The following VKORC1L1 variants were observed in gnomAD, a reference collection of about 807,000 sequenced individuals.
VKORC1L1 encodes vitamin K epoxide reductase complex subunit 1-like protein 1.
Under a neutral mutation model 18.9 loss-of-function variants are expected in VKORC1L1, and 2 were observed. The observed-to-expected ratio is 0.11, with a 90% CI of 0.04 to 0.33. The LOEUF (loss-of-function observed/expected upper bound fraction) is 0.33, where lower values mean the gene tolerates loss of function less well. Among genes scored for constraint, VKORC1L1 ranks in the 10% least tolerant of loss-of-function variants. VKORC1L1 has a pLI of 1.00. For missense variants in VKORC1L1, 123 were observed against 224.1 expected, an observed-to-expected ratio of 0.55 and a Z score of 2.88; for synonymous variants, 96 against 100.0, an observed-to-expected ratio of 0.96 and a Z score of 0.24.
chr7:65,889,865 G>A (rs1789081734), intron 1 of VKORC1L1, among the ~76,000 whole-genome samples: 1 of 152,158 alleles, frequency 6.6e-6, no homozygotes, highest in African/African-American at 2.4e-5. Flanking sequence ...AGATTCACCT[G>A]TGTTTTATGG....
intron 1 of VKORC1L1, among the ~76,000 whole-genome samples, chr7:65,880,272 A>G (rs544322082): frequency 6.6e-6 from 1 of 152,334 alleles, no homozygotes; most frequent in Admixed American, 6.5e-5. Flanking sequence ...TGACAAAAAT[A>G]TATAGAGTTT....
At chr7:65,875,571 C>G (rs1387472621) in intron 1 of VKORC1L1, among the ~76,000 whole-genome samples, 2 of 152,138 alleles carry the variant, frequency 1.3e-5, no homozygotes, top group Admixed American at 6.5e-5. Context: ...GCGCCCGCCA[C>G]AACGCCCTGC....
intron 2 of VKORC1L1, among the ~76,000 whole-genome samples, chr7:65,953,550 TTAG>T (rs1362027315): frequency 6.6e-6 from 1 of 152,232 alleles, no homozygotes; most frequent in Non-Finnish European, 1.5e-5. Context: ...GTTTGTGAAA[TTAG>T]TAATGTTTTA....
chr7:65,897,076 A>C (rs1435382695), intron 1 of VKORC1L1, among the ~76,000 whole-genome samples: 2 of 152,212 alleles, frequency 1.3e-5, no homozygotes, highest in Non-Finnish European at 2.9e-5. Context: ...GACTCCAGTG[A>C]TAAGCTGGGA....
chr7:65,932,923 C>A (rs2115671363), intron 1 of VKORC1L1, among the ~76,000 whole-genome samples: 1 of 152,012 alleles, frequency 6.6e-6, no homozygotes, highest in South Asian at 2.1e-4. Flanking sequence ...ACTAAAAATA[C>A]AAAAATTAGC....
intron 1 of VKORC1L1, among the ~76,000 whole-genome samples, chr7:65,939,005 G>A (rs1265861154): frequency 6.6e-6 from 1 of 152,196 alleles, no homozygotes; most frequent in Non-Finnish European, 1.5e-5. Flanking sequence ...TGTCTGAAGA[G>A]AAGATTCTCA....
At chr7:65,887,897 G>A (rs1343311982) in intron 1 of VKORC1L1, among the ~76,000 whole-genome samples, 2 of 152,000 alleles carry the variant, frequency 1.3e-5, no homozygotes, top group Non-Finnish European at 2.9e-5. Context: ...CCAAAGGACT[G>A]TACTAATTTG....
intron 1 of VKORC1L1, among the ~76,000 whole-genome samples, chr7:65,938,390 G>A (rs899865115): frequency 1.3e-5 from 2 of 151,962 alleles, no homozygotes; most frequent in African/African-American, 4.8e-5. Flanking sequence ...GGAAAAAGAG[G>A]GCAAATAGAA....
chr7:65,868,110 G>C (rs982838019), upstream of VKORC1L1, among the ~76,000 whole-genome samples: 15 of 152,176 alleles, frequency 9.9e-5, no homozygotes, highest in Admixed American at 9.8e-4. Context: ...GCCTCCCAAA[G>C]TGCTGGGATT....
intron 1 of VKORC1L1, among the ~76,000 whole-genome samples, chr7:65,943,233 C>CAA (rs200545978): frequency 6.7e-6 from 1 of 148,516 alleles, no homozygotes; most frequent in African/African-American, 2.5e-5. Flanking sequence ...ACCCTCTCTA[C>CAA]AAAAAAAAAT....
Position 65,908,308 on chromosome 7 carries a change from G to A in VKORC1L1, c.194+34743G>A, listed in dbSNP as rs548448326. Among the ~76,000 whole-genome samples, 169 of 152,282 alleles carry A rather than the reference G, an allele frequency of 1.1e-3. 2 individuals are homozygous for A. Among genetic ancestry groups the A allele is most frequent in the African/African-American group, 3.8e-3 (156 of 41,568 alleles). On this transcript the variant is annotated intron_variant, in intron 1 of 2. Transcript: ENST00000360768. ...GCATGCCTGTAATCCCAGCTACTTGGGAGCTGAGGCAGGAGAATCGCTTGA... is the reference window on the plus strand; with the variant it reads ...GCATGCCTGTAATCCCAGCTACTTGAGAGCTGAGGCAGGAGAATCGCTTGA...
intron 1 of VKORC1L1, among the ~76,000 whole-genome samples, chr7:65,940,106 C>T (rs995876755): frequency 6.6e-6 from 1 of 151,882 alleles, no homozygotes; most frequent in Non-Finnish European, 1.5e-5. Context: ...TTCACTGTGG[C>T]CTCGAACTGC....
intron 1 of VKORC1L1, among the ~76,000 whole-genome samples, chr7:65,914,239 G>A (rs1265024268): frequency 6.6e-6 from 1 of 152,072 alleles, no homozygotes; most frequent in Non-Finnish European, 1.5e-5. Context: ...AGCTACAGGT[G>A]TGCACCATCA....
upstream of VKORC1L1, among the ~76,000 whole-genome samples, chr7:65,872,900 A>G (rs376204057): frequency 6.6e-6 from 1 of 151,866 alleles, no homozygotes; most frequent in African/African-American, 2.4e-5. Context: ...GCAATGTGCT[A>G]GTTAGACCGC....
chr7:65,905,362 G>A (rs1052405709), intron 1 of VKORC1L1, among the ~76,000 whole-genome samples: 2 of 151,856 alleles, frequency 1.3e-5, no homozygotes, highest in African/African-American at 2.4e-5. Context: ...CCAGGCTGGA[G>A]TGCAGTGGCG....
chr7:65,901,288 G>A (rs1221916256), intron 1 of VKORC1L1, among the ~76,000 whole-genome samples: 6 of 152,186 alleles, frequency 3.9e-5, no homozygotes, highest in African/African-American at 1.4e-4. Flanking sequence ...CTTGAGCCCA[G>A]GAGATTGAAG....
intron 1 of VKORC1L1, among the ~76,000 whole-genome samples, chr7:65,887,006 A>C (rs1395344745): frequency 7.0e-6 from 1 of 142,806 alleles, no homozygotes; most frequent in Non-Finnish European, 1.5e-5. Context: ...CACGCCACCA[A>C]CCCTGGCTGA....
At position 65,896,063 on chromosome 7, in the gene VKORC1L1, CT is replaced by C. The variant is rs757411300; in HGVS notation, c.194+22515del. Among the ~76,000 whole-genome samples, 643 of 136,174 alleles carry C rather than the reference CT, an allele frequency of 4.7e-3. 1 individual carries two copies. The highest frequency in any genetic ancestry group is 0.012 in the Middle Eastern group (3 of 260). The allele number at this position is 136,174 out of a possible 152,430, so 89.3% of individuals were successfully genotyped here. A position where few individuals can be genotyped will look rare whatever the true frequency, so the allele number is the denominator to read the frequency against. ...GGTGCCCGCTACCACACTCGGCCAA[CT>C]TTTTTTTTTTTTTTTTGTAGTAGAG... is the stretch of plus-strand genomic sequence containing the variant. On this transcript the variant is annotated intron_variant, in intron 1 of 2. Coordinates refer to ENST00000360768, the MANE Select transcript of VKORC1L1 (RefSeq NM_173517.6).
At chr7:65,876,046 G>A (rs1583818118) in intron 1 of VKORC1L1, among the ~76,000 whole-genome samples, 3 of 152,198 alleles carry the variant, frequency 2.0e-5, no homozygotes, top group East Asian at 3.9e-4. Flanking sequence ...TTTTGGGGAG[G>A]CATAATGATG....
Sources: gnomAD v4.1 joint callset for allele counts (sites outside exome capture counted in the v4.1 genomes callset) on GRCh38, gnomAD v4.1.1 for gene constraint, MANE v1.5 for transcripts, NCBI Gene and HGNC (gene_info 2026-07-23, HGNC 2026-07-21) for gene names.